POLR2B: variants seen among roughly 807,000 people sequenced by gnomAD.
POLR2B encodes DNA-directed RNA polymerase II subunit RPB2.
A neutral mutation model predicts 144.6 loss-of-function variants in POLR2B; 57 were observed. That is an observed-to-expected ratio of 0.39 (90% CI 0.32 to 0.49). The LOEUF (loss-of-function observed/expected upper bound fraction) is 0.49, where lower values mean the gene tolerates loss of function less well. Ranked by LOEUF, POLR2B falls within the 20% of genes least tolerant of loss-of-function variation. The probability of loss-of-function intolerance (pLI) is 0.83; values close to 1 mark genes in which losing one functional copy is unlikely to be tolerated. For synonymous variants in POLR2B, 442 were observed against 469.8 expected (o/e 0.94, Z 0.77); for missense variants, 595 against 1,467.4 (o/e 0.41, Z 9.71).
At chr4:57,003,777 A>T (rs1722924748) in intron 7 of POLR2B, among the ~76,000 whole-genome samples, 1 of 151,944 alleles carries the variant, frequency 6.6e-6, no homozygotes, top group Admixed American at 6.6e-5. Context: ...CAGGAGGCAG[A>T]TGTTGTAGTA....
intron 18 of POLR2B, among the ~76,000 whole-genome samples, chr4:57,022,537 G>T (rs959099546): frequency 6.6e-6 from 1 of 152,108 alleles, no homozygotes; most frequent in East Asian, 1.9e-4. Context: ...AATTTCTGGG[G>T]ACACACTTCA....
intron 2 of POLR2B, among the ~76,000 whole-genome samples, chr4:56,989,820 A>T (rs1490858988): frequency 2.6e-5 from 4 of 152,174 alleles, no homozygotes; most frequent in African/African-American, 9.7e-5. Flanking sequence ...GGATGGTAAT[A>T]GGGAGTGATC....
intron 22 of POLR2B, 103 bp downstream of exon 22, chr4:57,025,102 A>C (rs974285403): frequency 4.5e-6 from 3 of 668,572 alleles, no homozygotes; most frequent in Non-Finnish European, 7.8e-6. Context: ...TCATATGTGC[A>C]CATATAGAAA....
chr4:56,980,089 ATT>A (rs58541865), intron 1 of POLR2B, among the ~76,000 whole-genome samples: 12 of 139,034 alleles, frequency 8.6e-5, no homozygotes, highest in Admixed American at 1.5e-4. Flanking sequence ...CAAAAGCTTA[ATT>A]TTTTTTTTTT....
In POLR2B at chr4:57,010,356, TC is replaced by T. The variant is rs755591886; in HGVS notation, c.1405-4del. On this transcript the variant is annotated splice_polypyrimidine_tract_variant and splice_region_variant and intron_variant, in intron 10 of 24. Transcript: ENST00000314595. The stretch of plus-strand genomic sequence containing the variant: ...AGACTTTAAAGATTGGCTATTTTTT[TC>T]TAGGTGTTAAACCGCCTGACTTTTG... 6.2e-7 allele frequency: 1 copy of T among 1,612,616 alleles called. No homozygotes were observed. The highest frequency in any genetic ancestry group is 1.3e-5 in the African/African-American group (1 of 74,812).
intron 1 of POLR2B, chr4:56,986,119 T>G (rs1722320373): frequency 2.1e-6 from 1 of 484,782 alleles, no homozygotes; most frequent in Admixed American, 3.4e-5. Flanking sequence ...AAACTTAACA[T>G]TCATACAACT....
chr4:56,995,389 A>T lies in POLR2B; in HGVS notation c.715A>T (p.Met239Leu). ...ACCCACCAGTACTATATGGGTTAGC[A>T]TGCTGGCAAGAGGAGGACAGGTATG... ...SRPTSTIWVS[M>L]LARGGQGAKK... Residue 239 changes from methionine to leucine, a missense_variant, in exon 6 of 25, where the codon ATG becomes TTG. Around this residue, in one of 9 missense-constraint regions of POLR2B, gnomAD observed 251 missense variants for 567.3 expected, o/e 0.44. Transcript: ENST00000314595. 6.2e-7 allele frequency: 1 copy of T among 1,610,718 alleles called. No individual in the cohort carries two copies. Among genetic ancestry groups the T allele is most frequent in the Non-Finnish European group, 8.5e-7 (1 of 1,177,506 alleles).
At chr4:57,022,874 G>GT (rs1723597328) in intron 18 of POLR2B, among the ~76,000 whole-genome samples, 1 of 152,174 alleles carries the variant, frequency 6.6e-6, no homozygotes, top group Admixed American at 6.5e-5. Context: ...CTGTGTAGTA[G>GT]TGAATTGATG....
intron 6 of POLR2B, among the ~76,000 whole-genome samples, chr4:56,996,276 ATATTTT>A (rs2109665148): frequency 1.2e-5 from 1 of 85,582 alleles, no homozygotes; most frequent in South Asian, 4.9e-4. Context: ...ATATATATAT[ATATTTT>A]TTTTTTTTTT....
intron 7 of POLR2B, among the ~76,000 whole-genome samples, chr4:57,000,446 C>G (rs905998585): frequency 2.0e-5 from 3 of 152,102 alleles, no homozygotes; most frequent in African/African-American, 4.8e-5. Flanking sequence ...AGAAAAGTTG[C>G]AAGAATAATA....
chr4:57,010,279 T>A (rs1433298877), intron 10 of POLR2B, 82 bp from the exon 11 acceptor site: 1 of 1,186,214 alleles, frequency 8.4e-7, no homozygotes, highest in East Asian at 2.4e-5. Context: ...GTAGATTATA[T>A]GTAAAAATAT....
intron 2 of POLR2B, among the ~76,000 whole-genome samples, chr4:56,987,998 G>A (rs998237403): frequency 6.6e-6 from 1 of 152,188 alleles, no homozygotes; most frequent in Non-Finnish European, 1.5e-5. Context: ...GGCTGAGGCA[G>A]AAGGATCACT....
At chr4:57,001,697 GT>G (rs1344164406) in intron 7 of POLR2B, among the ~76,000 whole-genome samples, 2 of 152,164 alleles carry the variant, frequency 1.3e-5, no homozygotes, top group Non-Finnish European at 2.9e-5. Flanking sequence ...TCGCTTCACA[GT>G]GGTGTCTGTT....
chr4:56,984,631 A>G (rs1195154092), intron 1 of POLR2B, among the ~76,000 whole-genome samples: 2 of 152,212 alleles, frequency 1.3e-5, no homozygotes, highest in East Asian at 3.9e-4. Flanking sequence ...TGTCTGAGCT[A>G]TTATACATAG....
chr4:56,996,205 CATGT>C (rs1228777305), intron 6 of POLR2B, among the ~76,000 whole-genome samples: 2 of 41,156 alleles, frequency 4.9e-5, no homozygotes, highest in African/African-American at 9.7e-5. Flanking sequence ...TATTTCAGTT[CATGT>C]GTGTGTGTGT....
Position 57,017,524 on chromosome 4 carries a change from CT to C in POLR2B, c.2155-31del, listed in dbSNP as rs773442418. On this transcript the variant is annotated intron_variant, in intron 15 of 24. Transcript: ENST00000314595. This position sits in a 1 kb window ranked among gnomAD's most constrained non-coding sequence, Gnocchi z 4.8. ...GAGTCTTTTCCATTAGTGATAGTAA[CT>C]TTTTGTTGTTTCTGCTTTTCATTTT... 10 of 1,524,240 alleles carry C rather than the reference CT, an allele frequency of 6.6e-6. No homozygotes were observed. In the African/African-American group the frequency reaches 1.4e-4, roughly 21 times the overall value. 94.4% of individuals were successfully genotyped at this position (1,524,240 alleles called of 1,614,324 possible).
At chr4:57,013,418 T>C (rs1200107632) in intron 13 of POLR2B, among the ~76,000 whole-genome samples, 2 of 152,172 alleles carry the variant, frequency 1.3e-5, no homozygotes, top group Non-Finnish European at 2.9e-5. Flanking sequence ...TATTTTTTAA[T>C]AGAGAGATTA....
chr4:56,996,278 AT>A (rs869299001), intron 6 of POLR2B, among the ~76,000 whole-genome samples: 9,898 of 59,644 alleles, frequency 0.17, 616 homozygotes, highest in Middle Eastern at 0.26. Context: ...ATATATATAT[AT>A]TTTTTTTTTT....
intron 16 of POLR2B, among the ~76,000 whole-genome samples, chr4:57,020,467 A>T (rs537898671): frequency 6.6e-6 from 1 of 152,196 alleles, no homozygotes; most frequent in Non-Finnish European, 1.5e-5. Flanking sequence ...ATCAGTTTCA[A>T]ACCTAAAAGC....
Sources: allele counts gnomAD v4.1 joint callset (sites outside exome capture counted in the v4.1 genomes callset), GRCh38; gene constraint gnomAD v4.1.1; regional missense constraint gnomAD v4.1.1; non-coding constraint Gnocchi (gnomAD v3.1); transcripts MANE v1.5; gene names NCBI Gene and HGNC (gene_info 2026-07-23, HGNC 2026-07-21).